The following RTN1 variants were observed in gnomAD, a reference collection of about 807,000 sequenced individuals.
The protein encoded by RTN1 is reticulon 1.
A neutral mutation model predicts 65.5 loss-of-function variants in RTN1; 25 were observed. That is an observed-to-expected ratio of 0.38 (90% confidence interval 0.28 to 0.53). The LOEUF is 0.53. Among genes scored for constraint, RTN1 ranks in the 20% least tolerant of loss-of-function variants. RTN1 has a pLI of 0.79. For synonymous variants in RTN1, 471 were observed against 447.6 expected, an observed-to-expected ratio of 1.05 and a Z score of -0.66; for missense variants, 983 against 1,025.4, an observed-to-expected ratio of 0.96 and a Z score of 0.57.
chr14:59,844,214 G>A (rs535925481), intron 1 of RTN1, among the ~76,000 whole-genome samples: 8 of 152,282 alleles, frequency 5.3e-5, no homozygotes, highest in African/African-American at 1.2e-4. Context: ...CCGAACTCAC[G>A]TTGAAATTTA....
intron 1 of RTN1, among the ~76,000 whole-genome samples, chr14:59,860,173 G>T (rs1668850898): frequency 6.6e-6 from 1 of 152,196 alleles, no homozygotes; most frequent in South Asian, 2.1e-4. Context: ...AGGCCTAGGA[G>T]AAAATTATTT....
chr14:59,781,605 T>C (rs139246268), intron 1 of RTN1, among the ~76,000 whole-genome samples: 65 of 152,226 alleles, frequency 4.3e-4, no homozygotes, highest in African/African-American at 1.6e-3. Context: ...AATATTCCAT[T>C]CTGGCCAATA....
chr14:59,734,598 A>G (rs570325573), intron 2 of RTN1, among the ~76,000 whole-genome samples: 20 of 152,362 alleles, frequency 1.3e-4, no homozygotes, highest in African/African-American at 4.8e-4. Context: ...AATCATGAGT[A>G]TTAATAGCAA....
At position 59,836,021 on chromosome 14, in the gene RTN1, C is replaced by T. The variant is rs936253764; in HGVS notation, c.241+34369G>A. 2.0e-5 allele frequency among the ~76,000 whole-genome samples: 3 copies of T among 152,134 alleles called. No individual in the cohort carries two copies. Among genetic ancestry groups the T allele is most frequent in the Non-Finnish European group, 2.9e-5 (2 of 68,024 alleles). ...CTTTTTCCAGGTCCTTGGCTCTATTCTTCCCTCCCATCACTTCAATTCTGA... is the reference window on the plus strand; with the variant it reads ...CTTTTTCCAGGTCCTTGGCTCTATTTTTCCCTCCCATCACTTCAATTCTGA... On this transcript the variant is annotated intron_variant, in intron 1 of 8. Transcript: ENST00000267484. This position sits in a 1 kb window ranked among gnomAD's most constrained non-coding sequence, Gnocchi z 4.9.
At chr14:59,665,329 A>T (rs993757219) in intron 3 of RTN1, among the ~76,000 whole-genome samples, 2 of 152,140 alleles carry the variant, frequency 1.3e-5, no homozygotes, top group Admixed American at 6.6e-5. Flanking sequence ...GAATTTCATA[A>T]CCAGCCAAAC....
chr14:59,632,865 G>T (rs1277290207), intron 3 of RTN1, among the ~76,000 whole-genome samples: 1 of 152,090 alleles, frequency 6.6e-6, no homozygotes, highest in Non-Finnish European at 1.5e-5. Context: ...GAAGGCCGAG[G>T]TGAGTGGATC....
chr14:59,760,981 C>G (rs1354975067), intron 1 of RTN1, among the ~76,000 whole-genome samples: 1 of 152,194 alleles, frequency 6.6e-6, no homozygotes, highest in Non-Finnish European at 1.5e-5. Context: ...CCTCCTAGTT[C>G]TGAGTCCCTT....
rs747308715 is a variant in RTN1 at position 59,727,162 on chromosome 14, C to T, written c.1522G>A (p.Glu508Lys). ...IREETGVRAEERAPSRRGLAE... is the reference protein window; with the variant it reads ...IREETGVRAEKRAPSRRGLAE... ...AGGCCCCGCCGGCTTGGCGCACGCT[C>T]CTCGGCCCGGACGCCAGTCTCCTCC... Residue 508 changes from glutamate to lysine, a missense_variant, in exon 3 of 9, where the codon GAG (glutamate) becomes AAG (lysine). By Grantham distance (56) the Glu-to-Lys change is moderately conservative. Coordinates refer to ENST00000267484, the MANE Select transcript of RTN1 (RefSeq NM_021136.3). This position sits in a 1 kb window ranked among gnomAD's most constrained non-coding sequence, Gnocchi z 4.2. 3.1e-6 allele frequency: 5 copies of T among 1,594,514 alleles called. No homozygotes were observed. In the East Asian group the frequency reaches 1.1e-4, roughly 36 times the overall value.
At position 59,607,415 on chromosome 14, in the gene RTN1, G is replaced by C. The variant is rs11559113; in HGVS notation, c.1843C>G (p.Leu615Val). 31 of 1,613,912 alleles carry C rather than the reference G, an allele frequency of 1.9e-5. No homozygotes were observed. Among genetic ancestry groups the C allele is most frequent in the Non-Finnish European group, 2.6e-5 (31 of 1,179,954 alleles). ...FGSFLLLLFS[L>V]TQFSVVSVVA... ...ACGCTCACCACGCTGAACTGGGTCAGGGAGAAGAGCAGCAGCAGGAAACTC... is the reference window on the plus strand; with the variant it reads ...ACGCTCACCACGCTGAACTGGGTCACGGAGAAGAGCAGCAGCAGGAAACTC... The change falls in exon 4 of 9, where the codon CTG (leucine) becomes GTG (valine). Residue 615 changes from leucine to valine, a missense_variant. Leu to Val is a conservative substitution (Grantham distance 32, BLOSUM62 1). Around this residue, in one of 2 missense-constraint regions of RTN1, gnomAD observed 165 missense variants for 223.6 expected, o/e 0.74. Transcript: ENST00000267484.
chr14:59,715,189 C>T (rs1425766871), intron 3 of RTN1, among the ~76,000 whole-genome samples: 1 of 152,152 alleles, frequency 6.6e-6, no homozygotes, highest in South Asian at 2.1e-4. Context: ...AGGTGAATGA[C>T]CTTATGTCTC....
At chr14:59,651,013 A>C (rs1303451538) in intron 3 of RTN1, among the ~76,000 whole-genome samples, 1 of 152,042 alleles carries the variant, frequency 6.6e-6, no homozygotes, top group African/African-American at 2.4e-5. Flanking sequence ...TCTACTAAAA[A>C]ACTAGAAAAA....
intron 1 of RTN1, among the ~76,000 whole-genome samples, chr14:59,832,909 C>G (rs1430920046): frequency 6.6e-6 from 1 of 152,158 alleles, no homozygotes; most frequent in Non-Finnish European, 1.5e-5. Flanking sequence ...TGCAAACACC[C>G]CTATCATCCC....
rs137905127 is a variant in RTN1 at position 59,846,053 on chromosome 14, A to C, written c.241+24337T>G. Reference sequence around the variant, plus strand: ...GAGCTTGGAACAATTGCAGAAAAACAGTAATAACAACCCTGATGTCTGTAA... The same window carrying C: ...GAGCTTGGAACAATTGCAGAAAAACCGTAATAACAACCCTGATGTCTGTAA... On this transcript the variant is annotated intron_variant, in intron 1 of 8. Transcript: ENST00000267484. This position sits in a 1 kb window ranked among gnomAD's most constrained non-coding sequence, Gnocchi z 4.8. 1.6e-3 allele frequency among the ~76,000 whole-genome samples: 246 copies of C among 152,326 alleles called. No individual in the cohort carries two copies. Among genetic ancestry groups the C allele is most frequent in the Non-Finnish European group, 2.6e-3 (179 of 68,024 alleles).
At chr14:59,632,672 T>C (rs372577144) in intron 3 of RTN1, among the ~76,000 whole-genome samples, 1 of 152,190 alleles carries the variant, frequency 6.6e-6, no homozygotes, top group Non-Finnish European at 1.5e-5. Flanking sequence ...ACTGCCAATC[T>C]GACAGTCTGT....
intron 3 of RTN1, among the ~76,000 whole-genome samples, chr14:59,645,491 GCAGGTTCTCC>G (rs1882875066): frequency 6.6e-6 from 1 of 152,102 alleles, no homozygotes; most frequent in South Asian, 2.1e-4. Flanking sequence ...TCCTCACTGG[GCAGGTTCTCC>G]CAGCCTGGGT....
rs556333846 is a variant in RTN1 at position 59,870,298 on chromosome 14, G to T, written c.241+92C>A. The T allele has an allele frequency of 1.0e-5, 13 of 1,272,016 alleles. No homozygotes were observed. In the South Asian group the frequency reaches 3.1e-4, roughly 30 times the overall value. The allele number at this position is 1,272,016 out of a possible 1,614,324, so 78.8% of individuals were successfully genotyped here. On this transcript the variant is annotated intron_variant, in intron 1 of 8. Coordinates refer to ENST00000267484, the MANE Select transcript of RTN1 (RefSeq NM_021136.3). The surrounding 1 kb of genome is among the most constrained non-coding windows in gnomAD (Gnocchi z 5.1). ...GGTCGGCGCTCAAGGCAGAAAGCGC[G>T]AGGCAGGTGCCCAGGAGAGCCGCGC... is the stretch of plus-strand genomic sequence containing the variant.
At chr14:59,637,887 C>T (rs1174708168) in intron 3 of RTN1, among the ~76,000 whole-genome samples, 5 of 151,370 alleles carry the variant, frequency 3.3e-5, no homozygotes, top group Non-Finnish European at 7.4e-5. Context: ...GAGTTTCACT[C>T]GTCTCCCAGG....
intron 3 of RTN1, among the ~76,000 whole-genome samples, chr14:59,664,820 G>C (rs1328595275): frequency 6.6e-6 from 1 of 151,384 alleles, no homozygotes; most frequent in Non-Finnish European, 1.5e-5. Flanking sequence ...ATTTTTTTTT[G>C]TGCAAGCGTA....
chr14:59,749,378 C>CTA (rs1168490056), intron 1 of RTN1, among the ~76,000 whole-genome samples: 1 of 32,446 alleles, frequency 3.1e-5, no homozygotes, highest in East Asian at 7.9e-4. Flanking sequence ...ATCTATATAT[C>CTA]TATATCTATA....
Sources: allele counts gnomAD v4.1 joint callset (sites outside exome capture counted in the v4.1 genomes callset), GRCh38; gene constraint gnomAD v4.1.1; regional missense constraint gnomAD v4.1.1; non-coding constraint Gnocchi (gnomAD v3.1); transcripts MANE v1.5; gene names NCBI Gene and HGNC (gene_info 2026-07-23, HGNC 2026-07-21).